Variants in FLT1 observed in about 807,000 individuals in gnomAD.
FLT1 encodes fms related receptor tyrosine kinase 1.
FLT1 carries 49 observed loss-of-function variants against 156.3 expected under a neutral mutation model. The observed-to-expected ratio is 0.31, with a 90% CI of 0.25 to 0.40. The LOEUF (loss-of-function observed/expected upper bound fraction) is 0.40. FLT1 is among the 10% of genes least tolerant of loss of function. The pLI is 1.00. For synonymous variants in FLT1, 594 were observed against 583.8 expected, an observed-to-expected ratio of 1.02 and a Z score of -0.25; for missense variants, 1,322 against 1,637.2, an observed-to-expected ratio of 0.81 and a Z score of 3.32.
chr13:28,323,406 C>A (rs891747158), intron 20 of FLT1, among the ~76,000 whole-genome samples: 6 of 152,228 alleles, frequency 3.9e-5, no homozygotes, highest in East Asian at 3.9e-4. Context: ...AATCCCAGCA[C>A]TTTGGGAGGC....
chr13:28,465,296 C>T (rs777180340), intron 3 of FLT1, among the ~76,000 whole-genome samples: 5 of 152,118 alleles, frequency 3.3e-5, no homozygotes, highest in East Asian at 3.9e-4. Context: ...CATCCCTTGA[C>T]GGCAAACTGC....
chr13:28,416,536 A>C (rs527980702), intron 10 of FLT1, among the ~76,000 whole-genome samples: 25 of 152,330 alleles, frequency 1.6e-4, no homozygotes, highest in Non-Finnish European at 3.1e-4. Flanking sequence ...AAGATACTCA[A>C]ACTCTCTACC....
Position 28,477,760 on chromosome 13 carries a change from G to A in FLT1, c.65-10143C>T, listed in dbSNP as rs139986256. ...GCTTATGTTCTTATCCAATGTCACT[G>A]TTTAGAGGTCTGAGAGGAAACTGAG... On this transcript the variant is annotated intron_variant, in intron 1 of 29. Transcript: ENST00000282397. Among the ~76,000 whole-genome samples the A allele has an allele frequency of 1.2e-3, 176 of 152,296 alleles. 1 individual carries two copies. The highest frequency in any genetic ancestry group is 6.8e-3 in the Middle Eastern group (2 of 294).
intron 1 of FLT1, among the ~76,000 whole-genome samples, chr13:28,492,787 T>C (rs936906862): frequency 6.6e-6 from 1 of 152,228 alleles, no homozygotes; most frequent in African/African-American, 2.4e-5. Context: ...ATTGTTTTAC[T>C]GTGAGATGCT....
In FLT1 at chr13:28,302,154, C is replaced by T. The variant is rs1003402993; in HGVS notation, c.*1013G>A. On this transcript the variant is annotated 3_prime_UTR_variant, in exon 30 of 30. Coordinates refer to ENST00000282397, the MANE Select transcript of FLT1 (RefSeq NM_002019.4). The stretch of plus-strand genomic sequence containing the variant: ...GAGAAAACTCCTCTCCTCAGGACTG[C>T]ATTTTCATTCTTCTCAGCTTTCTTT... 1.7e-5 allele frequency: 4 copies of T among 233,108 alleles called. No homozygotes were observed. The highest frequency in any genetic ancestry group is 8.8e-5 in the African/African-American group (4 of 45,346). 14.4% of individuals were successfully genotyped at this position (233,108 alleles called of 1,614,324 possible). A position where few individuals can be genotyped will look rare whatever the true frequency, so the allele number is the denominator to read the frequency against.
In FLT1 at chr13:28,389,989, C is replaced by T. The variant is rs1403573016; in HGVS notation, c.1776G>A (p.Leu592=). Residue 592 remains leucine (L), a synonymous_variant, in exon 13 of 30, where the codon CTG becomes CTA. Transcript: ENST00000282397. The stretch of plus-strand genomic sequence containing the variant: ...GCATTGTTCTGTTATTAACTGTCCG[C>T]AGTAAAATCCAAGTAACGTCTCTGT... ...FLYRDVTWIL[L]RTVNNRTMHY... 6 of 1,614,118 alleles carry T rather than the reference C, an allele frequency of 3.7e-6. No homozygotes were observed. Among genetic ancestry groups the T allele is most frequent in the Non-Finnish European group, 5.1e-6 (6 of 1,180,020 alleles).
At chr13:28,378,445 G>T (rs1488130394) in intron 14 of FLT1, among the ~76,000 whole-genome samples, 1 of 152,164 alleles carries the variant, frequency 6.6e-6, no homozygotes, top group Non-Finnish European at 1.5e-5. Context: ...ATGCTCATTT[G>T]TTCTCTTGTG....
intron 14 of FLT1, among the ~76,000 whole-genome samples, chr13:28,361,546 A>G (rs982633733): frequency 6.6e-6 from 1 of 152,204 alleles, no homozygotes; most frequent in Admixed American, 6.5e-5. Context: ...TTAAGGTATT[A>G]GAGAAACCAG....
At chr13:28,377,942 T>A (rs6491277) in intron 14 of FLT1, among the ~76,000 whole-genome samples, 4 of 152,138 alleles carry the variant, frequency 2.6e-5, no homozygotes, top group Non-Finnish European at 5.9e-5. Context: ...TTTACCTTTA[T>A]ACATGGCATG....
chr13:28,393,845 C>T (rs1403595830), intron 12 of FLT1, among the ~76,000 whole-genome samples: 1 of 152,192 alleles, frequency 6.6e-6, no homozygotes, highest in Non-Finnish European at 1.5e-5. Context: ...TCTCAGCCTC[C>T]CAAAGTGCTG....
chr13:28,333,941 C>T, intron 18 of FLT1, 84 bp downstream of exon 18: 1 of 894,358 alleles, frequency 1.1e-6, no homozygotes, highest in East Asian at 2.4e-5. Context: ...GTGTCTGTTC[C>T]CAGGCTATAT....
intron 3 of FLT1, among the ~76,000 whole-genome samples, chr13:28,449,538 A>G (rs1458519884): frequency 6.6e-6 from 1 of 151,900 alleles, no homozygotes; most frequent in African/African-American, 2.4e-5. Flanking sequence ...TTCAAAGGTG[A>G]TAAAAAATCT....
In FLT1 at chr13:28,301,598, G is replaced by A. The variant is rs1271368130; in HGVS notation, c.*1569C>T. ...AGCATACTCTTCTCCCCAAGAAGCA[G>A]CAATCCACTGTTGCCTCTCCAGCTT... is the stretch of plus-strand genomic sequence containing the variant. On this transcript the variant is annotated 3_prime_UTR_variant, in exon 30 of 30. Transcript: ENST00000282397. 4.3e-6 allele frequency: 1 copy of A among 233,208 alleles called. No homozygotes were observed. Among genetic ancestry groups the A allele is most frequent in the African/African-American group, 2.2e-5 (1 of 45,338 alleles). 14.4% of individuals were successfully genotyped at this position (233,208 alleles called of 1,614,324 possible).
At chr13:28,339,114 T>G (rs1872228763) in intron 17 of FLT1, 54 bp downstream of exon 17, 1 of 1,557,566 alleles carries the variant, frequency 6.4e-7, no homozygotes, top group Non-Finnish European at 8.8e-7. Flanking sequence ...ACAGTGTTTT[T>G]CATGTAATAT....
At chr13:28,376,255 G>A (rs1289878621) in intron 14 of FLT1, among the ~76,000 whole-genome samples, 1 of 152,102 alleles carries the variant, frequency 6.6e-6, no homozygotes, top group Non-Finnish European at 1.5e-5. Context: ...TGATCAAGAA[G>A]ATTTCATTTA....
Position 28,303,281 on chromosome 13 carries a change from G to A in FLT1, c.3903C>T (p.Ser1301=), listed in dbSNP as rs767586822. The change falls in exon 30 of 30, where the codon AGC becomes AGT. Residue 1301 remains serine, a synonymous_variant. Transcript: ENST00000282397. The part of the protein sequence containing the change: ...SFCHSSCGHV[S]EGKRRFTYDH... ...CGTAGGTGAACCTGCGCTTGCCTTC[G>A]CTGACGTGCCCACAGCTGGAATGGC... The A allele has an allele frequency of 5.0e-6, 8 of 1,613,860 alleles. No homozygotes were observed. Among genetic ancestry groups the A allele is most frequent in the Admixed American group, 3.3e-5 (2 of 59,992 alleles).
At chr13:28,338,684 T>G (rs1872212411) in intron 17 of FLT1, among the ~76,000 whole-genome samples, 2 of 152,228 alleles carry the variant, frequency 1.3e-5, no homozygotes, top group Non-Finnish European at 2.9e-5. Context: ...ATCCATGGCC[T>G]TGAAGAGCAC....
chr13:28,309,176 T>C (rs568202689), intron 27 of FLT1, among the ~76,000 whole-genome samples: 1 of 152,254 alleles, frequency 6.6e-6, no homozygotes, highest in South Asian at 2.1e-4. Flanking sequence ...CTCTGGTCCG[T>C]TGTGAAATCA....
At chr13:28,403,663 A>G (rs1875602281) in intron 11 of FLT1, among the ~76,000 whole-genome samples, 1 of 152,252 alleles carries the variant, frequency 6.6e-6, no homozygotes, top group Non-Finnish European at 1.5e-5. Context: ...TGACACAACC[A>G]ATGAATGGCA....
Sources: allele counts gnomAD v4.1 joint callset (sites outside exome capture counted in the v4.1 genomes callset), GRCh38; gene constraint gnomAD v4.1.1; transcripts MANE v1.5; gene names NCBI Gene and HGNC (gene_info 2026-07-23, HGNC 2026-07-21).